MKS1: variants seen among roughly 807,000 people sequenced by gnomAD.
The protein encoded by MKS1 is MKS transition zone complex subunit 1.
In MKS1, 70 loss-of-function variants were observed where a neutral mutation model predicts 83.7. The observed-to-expected ratio is 0.84, with a 90% CI of 0.69 to 1.02. The LOEUF (loss-of-function observed/expected upper bound fraction) is 1.02. Among genes scored for constraint, MKS1 ranks in the 50% least tolerant of loss-of-function variants. MKS1 has a pLI of 0.00. For synonymous variants in MKS1, 251 were observed against 273.4 expected (o/e 0.92, Z 0.81); for missense variants, 681 against 726.9 (o/e 0.94, Z 0.73).
At chr17:58,207,778 G>T in intron 14 of MKS1, 116 bp downstream of exon 14, 1 of 1,034,234 alleles carries the variant, frequency 9.7e-7, no homozygotes, top group Non-Finnish European at 1.5e-6. Flanking sequence ...ACTCTTTCAA[G>T]CCAAACATTT....
Position 58,216,216 on chromosome 17 carries a change from T to C in MKS1, c.289A>G (p.Thr97Ala). The C allele has an allele frequency of 6.2e-7, 1 of 1,613,766 alleles. No homozygotes were observed. Among genetic ancestry groups the C allele is most frequent in the Admixed American group, 1.7e-5 (1 of 60,028 alleles). ...QFEVDLYQNETACQSPLDYQY... is the reference protein window; with the variant it reads ...QFEVDLYQNEAACQSPLDYQY... ...TAATCCAAAGGACTCTGACAGGCTG[T>C]TTCATTTTGGTACAGATCTACTTCA... is the stretch of plus-strand genomic sequence containing the variant. The change falls in exon 4 of 18, where the codon ACA becomes GCA. Residue 97 changes from threonine (T) to alanine (A), a missense_variant. This residue lies in a region of MKS1 where 365 missense variants were observed against 383.8 expected (regional missense o/e 0.95). Transcript: ENST00000393119.
chr17:58,205,546 A>G lies in MKS1; in HGVS notation c.*533T>C, dbSNP rs1431029397. The G allele has an allele frequency of 3.8e-6, 5 of 1,304,520 alleles. No individual in the cohort carries two copies. Among genetic ancestry groups the G allele is most frequent in the East Asian group, 5.5e-5 (1 of 18,036 alleles). 80.8% of individuals were successfully genotyped at this position (1,304,520 alleles called of 1,614,324 possible). A position where few individuals can be genotyped will look rare whatever the true frequency, so the allele number is the denominator to read the frequency against. Reference sequence around the variant, plus strand: ...GCAGAAAGGACTCAGCACTGCCTTCAGCCTTCACTTACTCAGAAATAACTC... The same window carrying G: ...GCAGAAAGGACTCAGCACTGCCTTCGGCCTTCACTTACTCAGAAATAACTC... On this transcript the variant is annotated 3_prime_UTR_variant, in exon 18 of 18. Coordinates refer to ENST00000393119, the MANE Select transcript of MKS1 (RefSeq NM_017777.4).
At position 58,205,465 on chromosome 17, in the gene MKS1, CAAAAAACA is replaced by C. The variant is rs1375460970; in HGVS notation, c.*606_*613del. On this transcript the variant is annotated 3_prime_UTR_variant, in exon 18 of 18. Coordinates refer to ENST00000393119, the MANE Select transcript of MKS1 (RefSeq NM_017777.4). ...GTCAAAATAAAAGGGGTTTATGTAACAAAAAACAAAAAAACAAACAAACAAAAAAACAC... is the reference window on the plus strand; with the variant it reads ...GTCAAAATAAAAGGGGTTTATGTAACAAAAAACAAACAAACAAAAAAACAC... The C allele has an allele frequency of 8.0e-7, 1 of 1,244,252 alleles. No individual in the cohort carries two copies. The highest frequency in any genetic ancestry group is 1.0e-6 in the Non-Finnish European group (1 of 965,230). The allele number at this position is 1,244,252 out of a possible 1,614,324, so 77.1% of individuals were successfully genotyped here. A position where few individuals can be genotyped will look rare whatever the true frequency, so the allele number is the denominator to read the frequency against.
At chr17:58,210,755 T>G (rs1432652162) in intron 10 of MKS1, 31 bp from the exon 11 acceptor site, 1 of 1,608,530 alleles carries the variant, frequency 6.2e-7, no homozygotes, top group Admixed American at 1.7e-5. Context: ...CTATTTTAGC[T>G]TTTTCTCCTA....
chr17:58,218,745 CA>C lies in MKS1; in HGVS notation c.81-17del. The C allele has an allele frequency of 6.3e-7, 1 of 1,590,174 alleles. No homozygotes were observed. Among genetic ancestry groups the C allele is most frequent in the Non-Finnish European group, 8.6e-7 (1 of 1,158,492 alleles). ...CAGGTGGACTCTGTCAAGAAAAGCC[CA>C]AAATATTCGTTACCAGACACGCAAC... On this transcript the variant is annotated splice_polypyrimidine_tract_variant and intron_variant, in intron 1 of 17. Coordinates refer to ENST00000393119, the MANE Select transcript of MKS1 (RefSeq NM_017777.4).
chr17:58,206,922 C>A (rs1189025248), intron 15 of MKS1, 163 bp downstream of exon 15: 10 of 966,142 alleles, frequency 1.0e-5, no homozygotes, highest in East Asian at 9.8e-5. Flanking sequence ...GATATTGGAA[C>A]CTGATTCAAA....
Position 58,205,758 on chromosome 17 carries a change from C to A in MKS1, c.*321G>T. On this transcript the variant is annotated 3_prime_UTR_variant, in exon 18 of 18. Transcript: ENST00000393119. ...GATCCCCTGCTACTGTGAGACAAGC[C>A]AGAAAAGTGAGTCAAGGCCAGACTC... 1 of 1,401,000 alleles carries A rather than the reference C, an allele frequency of 7.1e-7. No individual in the cohort carries two copies. 86.8% of individuals were successfully genotyped at this position (1,401,000 alleles called of 1,614,324 possible). A position where few individuals can be genotyped will look rare whatever the true frequency, so the allele number is the denominator to read the frequency against.
chr17:58,219,087 C>T lies in MKS1; in HGVS notation c.80+64G>A, dbSNP rs146399137. On this transcript the variant is annotated intron_variant, in intron 1 of 17. Coordinates refer to ENST00000393119, the MANE Select transcript of MKS1 (RefSeq NM_017777.4). The stretch of plus-strand genomic sequence containing the variant: ...AAAGTGGGGACCTCAGAACACCGAG[C>T]TCAGGTTGGAATGATCTAAGGACAC... 3,181 of 1,537,172 alleles carry T rather than the reference C, an allele frequency of 2.1e-3. 67 individuals carry two copies. The African/African-American group carries it at 0.037, about 18-fold the overall frequency.
chr17:58,207,827 C>T (rs527249169), intron 14 of MKS1, 67 bp downstream of exon 14: 90 of 1,391,858 alleles, frequency 6.5e-5, no homozygotes, highest in African/African-American at 2.3e-4. Context: ...CAGAAGCATT[C>T]GAGTGTTAGT....
At position 58,207,152 on chromosome 17, in the gene MKS1, C is replaced by T. The variant is rs779697924; in HGVS notation, c.1340G>A (p.Arg447Lys). The T allele has an allele frequency of 6.2e-6, 10 of 1,614,172 alleles. No homozygotes were observed. The highest frequency in any genetic ancestry group is 8.5e-6 in the Non-Finnish European group (10 of 1,180,030). The change falls in exon 15 of 18, where the codon AGG becomes AAG. Residue 447 changes from arginine to lysine, a missense_variant. Physicochemically the swap from Arg to Lys is conservative, Grantham distance 26. Around this residue, in one of 3 missense-constraint regions of MKS1, gnomAD observed 310 missense variants for 321.7 expected, o/e 0.96. Transcript: ENST00000393119. Reference sequence around the variant, plus strand: ...TTCCAGAGAACCGCCAATGAAAAACCTCCTCAGCTCAGCCACCGTGCCAAG... The same window carrying T: ...TTCCAGAGAACCGCCAATGAAAAACTTCCTCAGCTCAGCCACCGTGCCAAG... ...VELGTVAELR[R>K]FFIGGSLELE...
intron 7 of MKS1, 39 bp downstream of exon 7, chr17:58,213,726 G>A: frequency 6.7e-7 from 1 of 1,483,350 alleles, no homozygotes; most frequent in Middle Eastern, 1.8e-4. Context: ...CCAAGGGAAG[G>A]AATGCCAGTC....
At chr17:58,212,120 C>T (rs1019591595) in intron 9 of MKS1, among the ~76,000 whole-genome samples, 12 of 152,178 alleles carry the variant, frequency 7.9e-5, no homozygotes, top group African/African-American at 1.9e-4. Context: ...TCTACCACAT[C>T]TAATCCCACC....
In MKS1 at chr17:58,206,135, C is replaced by T. The variant is rs1216634734; in HGVS notation, c.1624G>A (p.Ala542Thr). 4 of 1,613,506 alleles carry T rather than the reference C, an allele frequency of 2.5e-6. No homozygotes were observed. Among genetic ancestry groups the T allele is most frequent in the Non-Finnish European group, 3.4e-6 (4 of 1,179,918 alleles). The change falls in exon 18 of 18, where the codon GCC becomes ACC. Residue 542 changes from alanine to threonine, a missense_variant. By Grantham distance (58) the Ala-to-Thr change is moderately conservative. Coordinates refer to ENST00000393119, the MANE Select transcript of MKS1 (RefSeq NM_017777.4). Reference sequence around the variant, plus strand: ...AGGTCCTGCGGGAGGCTTTCCCGGGCCTCCTGCATGCGGCGCCGGGCTCGA... The same window carrying T: ...AGGTCCTGCGGGAGGCTTTCCCGGGTCTCCTGCATGCGGCGCCGGGCTCGA... The part of the protein sequence containing the change: ...FRRARRRMQE[A>T]RESLPQDLVS...
chr17:58,214,605 T>G, intron 5 of MKS1, 136 bp downstream of exon 5: 1 of 1,061,792 alleles, frequency 9.4e-7, no homozygotes, highest in South Asian at 2.2e-5. Context: ...ATATTTTATA[T>G]TTTTATATTT....
At position 58,216,776 on chromosome 17, in the gene MKS1, C is replaced by G. The variant is rs1598001294; in HGVS notation, c.191-40G>C. The G allele has an allele frequency of 1.9e-6, 3 of 1,589,276 alleles. No homozygotes were observed. In the East Asian group the frequency reaches 6.7e-5, roughly 35 times the overall value. ...GAGTGAATCAAATGCTTGAGCCAAA[C>G]CAGCACCACTTCTTGTTCTGTGGTT... is the stretch of plus-strand genomic sequence containing the variant. On this transcript the variant is annotated intron_variant, in intron 2 of 17. Transcript: ENST00000393119.
At chr17:58,212,656 G>A (rs1042498943) in intron 8 of MKS1, among the ~76,000 whole-genome samples, 2 of 152,228 alleles carry the variant, frequency 1.3e-5, no homozygotes, top group Non-Finnish European at 1.5e-5. Context: ...ACCTTGGGCA[G>A]ACTACTTAGC....
At position 58,208,548 on chromosome 17, in the gene MKS1, C is replaced by A. The variant is rs1268138960; in HGVS notation, c.1060G>T (p.Val354Leu). Residue 354 changes from valine (V) to leucine (L), a missense_variant, in exon 12 of 18, where the codon GTA becomes TTA. Val to Leu is a conservative substitution (Grantham distance 32). This residue lies in a region of MKS1 where 310 missense variants were observed against 321.7 expected (regional missense o/e 0.96). Transcript: ENST00000393119. ...SSPAFQQLSG[V>L]TQTCTTKSLA... is the part of the protein sequence containing the mutation. The stretch of plus-strand genomic sequence containing the variant: ...GACTTGGTGGTGCAGGTCTGTGTTA[C>A]TCCTGAGAGCTGCTGGAATGCTGGG... 6.2e-7 allele frequency: 1 copy of A among 1,614,092 alleles called. No homozygotes were observed. The highest frequency in any genetic ancestry group is 8.5e-7 in the Non-Finnish European group (1 of 1,180,042).
Position 58,214,382 on chromosome 17 carries a change from C to A in MKS1, c.521G>T (p.Gly174Val). 1.2e-6 allele frequency: 2 copies of A among 1,613,044 alleles called. No individual in the cohort carries two copies. Among genetic ancestry groups the A allele is most frequent in the Non-Finnish European group, 1.7e-6 (2 of 1,180,034 alleles). Residue 174 changes from glycine (G) to valine (V), a missense_variant, in exon 6 of 18, where the codon GGC (glycine) becomes GTC (valine). Coordinates refer to ENST00000393119, the MANE Select transcript of MKS1 (RefSeq NM_017777.4). ...RRRQDRRGME[G>V]GILKSRIVTW... Reference sequence around the variant, plus strand: ...GACGATGCGTGACTTGAGGATGCCGCCCTCCCTGGGAGACACCACAGAAAG... The same window carrying A: ...GACGATGCGTGACTTGAGGATGCCGACCTCCCTGGGAGACACCACAGAAAG...
At chr17:58,215,698 AACCCATAT>A in intron 4 of MKS1, 1 of 267,316 alleles carries the variant, frequency 3.7e-6, no homozygotes, top group Admixed American at 4.7e-5. Context: ...TTCCTCTTCA[AACCCATAT>A]ACTCAGAGTT....
Sources: gnomAD v4.1 joint callset for allele counts (sites outside exome capture counted in the v4.1 genomes callset) on GRCh38, gnomAD v4.1.1 for gene constraint, gnomAD v4.1.1 regional missense constraint, MANE v1.5 for transcripts, NCBI Gene and HGNC (gene_info 2026-07-23, HGNC 2026-07-21) for gene names.